TCF4: variants seen among roughly 807,000 people sequenced by gnomAD.
TCF4 encodes SL3-3 enhancer factor 2.
TCF4 carries 3 observed loss-of-function variants against 82.1 expected under a neutral mutation model. That is an observed-to-expected ratio of 0.04 (90% CI 0.02 to 0.09). The LOEUF (loss-of-function observed/expected upper bound fraction) is 0.09, where lower values mean the gene tolerates loss of function less well. Ranked by LOEUF, TCF4 falls within the 10% of genes least tolerant of loss-of-function variation. The probability of loss-of-function intolerance (pLI) is 1.00; values close to 1 mark genes in which losing one functional copy is unlikely to be tolerated. For missense variants in TCF4, 518 were observed against 852.7 expected, an observed-to-expected ratio of 0.61 and a Z score of 4.89; for synonymous variants, 276 against 309.6, an observed-to-expected ratio of 0.89 and a Z score of 1.14.
chr18:55,423,206 C>T (rs942742701), intron 5 of TCF4, among the ~76,000 whole-genome samples: 1 of 152,062 alleles, frequency 6.6e-6, no homozygotes, highest in East Asian at 1.9e-4. Context: ...TTAATTAATG[C>T]CACGCTTAAT....
At chr18:55,420,189 A>T (rs1177587865) in intron 5 of TCF4, among the ~76,000 whole-genome samples, 1 of 152,242 alleles carries the variant, frequency 6.6e-6, no homozygotes, top group Non-Finnish European at 1.5e-5. Context: ...GGTATAATAA[A>T]GGGAAACACT....
chr18:55,579,300 C>T (rs1223141648), intron 3 of TCF4, among the ~76,000 whole-genome samples: 1 of 151,646 alleles, frequency 6.6e-6, no homozygotes, highest in African/African-American at 2.4e-5. Context: ...ACCTGGTGGT[C>T]AGTTGTGAAA....
intron 5 of TCF4, among the ~76,000 whole-genome samples, chr18:55,458,243 G>A (rs72928950): frequency 2.0e-5 from 3 of 152,130 alleles, no homozygotes; most frequent in Non-Finnish European, 4.4e-5. Flanking sequence ...ACCCTGATGC[G>A]ACATCACAGC....
chr18:55,434,257 G>T (rs1268890120), intron 5 of TCF4, among the ~76,000 whole-genome samples: 1 of 152,018 alleles, frequency 6.6e-6, no homozygotes, highest in Non-Finnish European at 1.5e-5. Context: ...AATTCATCTT[G>T]AGTGACAAGC....
At chr18:55,237,667 T>C (rs1401106606) in intron 15 of TCF4, among the ~76,000 whole-genome samples, 2 of 152,016 alleles carry the variant, frequency 1.3e-5, no homozygotes, top group Non-Finnish European at 2.9e-5. Flanking sequence ...TCCCCTTGTG[T>C]CTATTCCAGG....
In TCF4 at chr18:55,605,982, C is replaced by T. The variant is rs139078237; in HGVS notation, c.287-18846G>A. On this transcript the variant is annotated intron_variant, in intron 2 of 20. Transcript: ENST00000398339. ...TGCAAATCCTTGGGTCCCACCCATA[C>T]CTCCTGATCAGAAACTCCGGGGTGG... Among the ~76,000 whole-genome samples, 8 of 152,338 alleles carry T rather than the reference C, an allele frequency of 5.3e-5. No homozygotes were observed. The East Asian group carries it at 1.5e-3, about 29-fold the overall frequency.
chr18:55,321,364 A>T, intron 8 of TCF4: 2 of 353,394 alleles, frequency 5.7e-6, no homozygotes, highest in South Asian at 5.0e-5. Context: ...AAACTCTTTA[A>T]AAAAAAAAAA....
chr18:55,410,117 G>C (rs2094282785), intron 5 of TCF4, among the ~76,000 whole-genome samples: 1 of 152,136 alleles, frequency 6.6e-6, no homozygotes, highest in South Asian at 2.1e-4. Flanking sequence ...AACTAACTAG[G>C]CACATAGCTT....
chr18:55,249,050 T>C (rs1448539897), intron 15 of TCF4, among the ~76,000 whole-genome samples: 2 of 152,152 alleles, frequency 1.3e-5, no homozygotes, highest in Non-Finnish European at 2.9e-5. Context: ...CAGCCTCTTT[T>C]GTCTGGTTTC....
At chr18:55,561,247 C>T (rs2097352596) in intron 3 of TCF4, among the ~76,000 whole-genome samples, 1 of 152,160 alleles carries the variant, frequency 6.6e-6, no homozygotes, top group South Asian at 2.1e-4. Flanking sequence ...CCTAGTGGTG[C>T]CCTATACATA....
chr18:55,497,159 AG>A (rs1448803308), intron 3 of TCF4, among the ~76,000 whole-genome samples: 2 of 152,220 alleles, frequency 1.3e-5, no homozygotes, highest in African/African-American at 4.8e-5. Context: ...AAACACATAT[AG>A]GTTAAAGAAC....
intron 17 of TCF4, 81 bp from the exon 18 acceptor site, chr18:55,229,157 G>A: frequency 6.6e-6 from 10 of 1,522,678 alleles, no homozygotes; most frequent in African/African-American, 1.4e-5. Flanking sequence ...TTCTTCCAGA[G>A]TTTTCAGGGA....
At chr18:55,458,601 A>G (rs1401506578) in intron 5 of TCF4, among the ~76,000 whole-genome samples, 1 of 152,204 alleles carries the variant, frequency 6.6e-6, no homozygotes, top group Non-Finnish European at 1.5e-5. Flanking sequence ...GCTCATCTGA[A>G]AAGTGGTTTC....
At chr18:55,372,742 A>AGTAGACTCTATGTGACTGTTGACGTT (rs2089648017) in intron 6 of TCF4, among the ~76,000 whole-genome samples, 1 of 152,194 alleles carries the variant, frequency 6.6e-6, no homozygotes, top group African/African-American at 2.4e-5. Flanking sequence ...TGTTGATGCA[A>AGTAGACTCTATGTGACTGTTGACGTT]TTTAAAACGT....
intron 6 of TCF4, chr18:55,384,079 A>G (rs1463935676): frequency 6.6e-6 from 1 of 152,232 alleles, no homozygotes; most frequent in African/African-American, 2.4e-5. Flanking sequence ...TTTGGTCATT[A>G]CACCTCAGCC....
intron 3 of TCF4, 84 bp downstream of exon 3, chr18:55,585,196 T>A: frequency 7.7e-7 from 1 of 1,294,888 alleles, no homozygotes; most frequent in Admixed American, 1.7e-5. Flanking sequence ...TTTTCAGAAC[T>A]CTTCAACAGA....
At chr18:55,253,648 T>C (rs937085970) in intron 15 of TCF4, among the ~76,000 whole-genome samples, 9 of 152,194 alleles carry the variant, frequency 5.9e-5, no homozygotes, top group Non-Finnish European at 1.3e-4. Flanking sequence ...TAAAGACTTA[T>C]TCTAAATAGG....
intron 6 of TCF4, among the ~76,000 whole-genome samples, chr18:55,362,414 GAAGGAAGGAAGGAAGGAAGGAAAA>G (rs1300866328): frequency 5.8e-4 from 80 of 137,216 alleles, no homozygotes; most frequent in African/African-American, 1.2e-3. Context: ...AGGAAGGAAG[GAAGGAAGGAAGGAAGGAAGGAAAA>G]AAAAAAAGAA....
chr18:55,402,423 A>AT (rs957876472), intron 6 of TCF4, among the ~76,000 whole-genome samples: 7 of 151,988 alleles, frequency 4.6e-5, no homozygotes, highest in African/African-American at 1.4e-4. Flanking sequence ...ATTAAAATAG[A>AT]TTTTTTTCCC....
Sources: allele counts gnomAD v4.1 joint callset (sites outside exome capture counted in the v4.1 genomes callset), GRCh38; gene constraint gnomAD v4.1.1; transcripts MANE v1.5; gene names NCBI Gene and HGNC (gene_info 2026-07-23, HGNC 2026-07-21).